Variants in COL27A1 observed in about 807,000 individuals in gnomAD.
COL27A1 encodes collagen alpha-1(XXVII) chain.
Under a neutral mutation model 251.3 loss-of-function variants are expected in COL27A1, and 106 were observed. That is an observed-to-expected ratio of 0.42 (90% CI 0.36 to 0.50). The LOEUF (loss-of-function observed/expected upper bound fraction) is 0.50. COL27A1 is among the 20% of genes least tolerant of loss of function. The pLI is 0.00. For missense variants in COL27A1, 2,325 were observed against 2,522.8 expected (o/e 0.92, Z 1.68); for synonymous variants, 1,000 against 986.3 (o/e 1.01, Z -0.26).
chr9:114,174,257 A>G (rs117358807), intron 3 of COL27A1, among the ~76,000 whole-genome samples: 2,824 of 152,164 alleles, frequency 0.019, 44 homozygotes, highest in Non-Finnish European at 0.028. Flanking sequence ...GGAACAGACT[A>G]TTTACGGAGG....
intron 56 of COL27A1, among the ~76,000 whole-genome samples, chr9:114,302,906 G>T (rs189658246): frequency 1.3e-3 from 194 of 152,126 alleles, no homozygotes; most frequent in Middle Eastern, 3.4e-3. Context: ...GGCCCCAACA[G>T]CATCCCAGGG....
intron 3 of COL27A1, among the ~76,000 whole-genome samples, chr9:114,172,297 C>A (rs919849818): frequency 2.0e-5 from 3 of 152,148 alleles, no homozygotes; most frequent in Admixed American, 6.5e-5. Flanking sequence ...AGGATCTAAG[C>A]CCAGCAGAAC....
chr9:114,300,656 TCC>T lies in COL27A1; in HGVS notation c.4671_4672del (p.Gln1558GlyfsTer32). On this transcript the variant is annotated frameshift_variant, in exon 51 of 61. Coordinates refer to ENST00000356083, the MANE Select transcript of COL27A1 (RefSeq NM_032888.4). LOFTEE classifies it high-confidence loss of function. ...CCTGGAGACATTGGCTTCAAAGGCA[TCC>T]AGGGCCCTCGGGGGCCACCTGGCTT... 6.6e-7 allele frequency: 1 copy of T among 1,520,546 alleles called. No homozygotes were observed. Among genetic ancestry groups the T allele is most frequent in the East Asian group, 2.4e-5 (1 of 41,376 alleles). The allele number at this position is 1,520,546 out of a possible 1,614,324, so 94.2% of individuals were successfully genotyped here.
intron 14 of COL27A1, among the ~76,000 whole-genome samples, chr9:114,230,104 T>C (rs930139294): frequency 1.3e-5 from 2 of 152,136 alleles, no homozygotes; most frequent in Non-Finnish European, 2.9e-5. Flanking sequence ...AACCGAGGCA[T>C]GGAGACATCA....
intron 22 of COL27A1, among the ~76,000 whole-genome samples, chr9:114,243,059 G>C (rs1325994021): frequency 6.6e-6 from 1 of 152,228 alleles, no homozygotes; most frequent in African/African-American, 2.4e-5. Context: ...ACCAGAGTGA[G>C]AGTGACAAAG....
At chr9:114,296,778 A>G (rs1828285356) in intron 49 of COL27A1, among the ~76,000 whole-genome samples, 3 of 152,224 alleles carry the variant, frequency 2.0e-5, no homozygotes, top group African/African-American at 4.8e-5. Context: ...CTTTATTTAT[A>G]ATAGCCCCAA....
intron 7 of COL27A1, 61 bp downstream of exon 7, chr9:114,196,073 A>G (rs930449640): frequency 4.1e-6 from 6 of 1,451,930 alleles, no homozygotes; most frequent in Admixed American, 3.3e-5. Flanking sequence ...CCAGGTCTTC[A>G]GGCAGAAGAG....
intron 3 of COL27A1, among the ~76,000 whole-genome samples, chr9:114,175,099 G>A (rs189994825): frequency 5.4e-3 from 75 of 13,964 alleles, no homozygotes; most frequent in Non-Finnish European, 6.4e-3. Flanking sequence ...CGTAGGATGG[G>A]GTTCCCCTAG....
chr9:114,310,730 G>A lies in COL27A1; in HGVS notation c.*35G>A. 2 of 1,610,800 alleles carry A rather than the reference G, an allele frequency of 1.2e-6. No homozygotes were observed. On this transcript the variant is annotated 3_prime_UTR_variant, in exon 61 of 61. Coordinates refer to ENST00000356083, the MANE Select transcript of COL27A1 (RefSeq NM_032888.4). ...TCGTGGCCACTCTAGGCCTCACGGA[G>A]GAGGGAAGAGGAAGAGGCAAGGGGA...
rs116570952 is a variant in COL27A1, at chr9:114,227,994, C to T, written c.2467-3085C>T. On this transcript the variant is annotated intron_variant, in intron 14 of 60. Transcript: ENST00000356083. ...CCAACACAGGGGGACCTGTCCTATG[C>T]GAGCTGGCACCTTCTCCGGGTGTGG... Among the ~76,000 whole-genome samples the T allele has an allele frequency of 6.7e-3, 1,027 of 152,240 alleles. 13 individuals carry two copies. The highest frequency in any genetic ancestry group is 0.023 in the African/African-American group (959 of 41,536).
rs556322644 is a variant in COL27A1, at chr9:114,222,874, C to T, written c.2466+607C>T. Among the ~76,000 whole-genome samples the T allele has an allele frequency of 7.9e-5, 12 of 152,244 alleles. No homozygotes were observed. The South Asian group carries it at 2.1e-3, about 26-fold the overall frequency. ...GATAGCAGAATCATCCTGGAGTGGC[C>T]ATGAGGATTAAAGGAGGCATCATAT... On this transcript the variant is annotated intron_variant, in intron 14 of 60. Transcript: ENST00000356083.
chr9:114,167,183 G>C (rs978525779), intron 2 of COL27A1, among the ~76,000 whole-genome samples: 1 of 152,150 alleles, frequency 6.6e-6, no homozygotes, highest in Admixed American at 6.5e-5. Flanking sequence ...GGAGTATAAC[G>C]TGTCATTGTT....
chr9:114,237,359 G>A (rs1177420206), intron 18 of COL27A1, among the ~76,000 whole-genome samples: 6 of 152,204 alleles, frequency 3.9e-5, no homozygotes, highest in African/African-American at 9.7e-5. Flanking sequence ...CTGTGCATCC[G>A]ACCCTTTCTG....
intron 14 of COL27A1, among the ~76,000 whole-genome samples, chr9:114,224,996 G>A (rs1410972557): frequency 6.6e-6 from 1 of 152,118 alleles, no homozygotes; most frequent in Non-Finnish European, 1.5e-5. Flanking sequence ...AAGGTTGCCA[G>A]ATAAAATATG....
chr9:114,284,116 T>C (rs1384403089), intron 40 of COL27A1, among the ~76,000 whole-genome samples: 4 of 152,180 alleles, frequency 2.6e-5, no homozygotes, highest in Non-Finnish European at 4.4e-5. Flanking sequence ...GCCAAACCCA[T>C]GTTACACATC....
At chr9:114,156,797 T>A (rs1196591252) in intron 1 of COL27A1, among the ~76,000 whole-genome samples, 1 of 150,646 alleles carries the variant, frequency 6.6e-6, no homozygotes, top group Non-Finnish European at 1.5e-5. Context: ...GGAGTAGGAG[T>A]TGTAAGAGAG....
intron 7 of COL27A1, among the ~76,000 whole-genome samples, chr9:114,197,833 G>A (rs1829261839): frequency 6.6e-6 from 1 of 152,238 alleles, no homozygotes; most frequent in Admixed American, 6.5e-5. Context: ...GAAGAGTTTC[G>A]TCTGTGGCAG....
chr9:114,229,984 A>G (rs1352658208), intron 14 of COL27A1, among the ~76,000 whole-genome samples: 1 of 152,202 alleles, frequency 6.6e-6, no homozygotes, highest in Non-Finnish European at 1.5e-5. Context: ...AGTTGTGACA[A>G]CTAAAAATGC....
intron 27 of COL27A1, among the ~76,000 whole-genome samples, chr9:114,253,814 G>C (rs1833742902): frequency 6.6e-6 from 1 of 152,202 alleles, no homozygotes; most frequent in South Asian, 2.1e-4. Context: ...TTGGTTATTA[G>C]CAGCATTATT....
Sources: allele counts gnomAD v4.1 joint callset (sites outside exome capture counted in the v4.1 genomes callset), GRCh38; gene constraint gnomAD v4.1.1; transcripts MANE v1.5; gene names NCBI Gene and HGNC (gene_info 2026-07-23, HGNC 2026-07-21).